IL16: variants seen among roughly 807,000 people sequenced by gnomAD.
IL16 encodes interleukin 16, also known as pro-interleukin-16.
In IL16, 67 loss-of-function variants were observed where a neutral mutation model predicts 110.1. The ratio of observed to expected loss-of-function variants is 0.61; its 90% CI spans 0.50 to 0.75. IL16 has a LOEUF of 0.75. Among genes scored for constraint, IL16 ranks in the 30% least tolerant of loss-of-function variants. The pLI, the probability that IL16 is intolerant of heterozygous loss-of-function variation, is 0.00. For missense variants in IL16, 1,545 were observed against 1,655.0 expected (o/e 0.93, Z 1.15); for synonymous variants, 689 against 662.9 (o/e 1.04, Z -0.61).
At chr15:81,194,985 T>A (rs762072693), upstream of IL16, among the ~76,000 whole-genome samples, 1 of 152,098 alleles carries the variant, frequency 6.6e-6, no homozygotes, top group Admixed American at 6.6e-5. Context: ...TGGCTTGCAG[T>A]GAGCTGGACT....
chr15:81,268,468 G>C (rs1292306497), intron 4 of IL16, among the ~76,000 whole-genome samples: 1 of 152,260 alleles, frequency 6.6e-6, no homozygotes, highest in East Asian at 1.9e-4. Context: ...CAACAGGATG[G>C]ATATGAACAC....
At chr15:81,236,016 G>T (rs1276427518) in intron 2 of IL16, among the ~76,000 whole-genome samples, 1 of 152,176 alleles carries the variant, frequency 6.6e-6, no homozygotes, top group Non-Finnish European at 1.5e-5. Flanking sequence ...AAAAAGATGT[G>T]AAATGCTTTA....
chr15:81,231,545 G>C (rs1007613243), intron 2 of IL16, among the ~76,000 whole-genome samples: 3 of 152,078 alleles, frequency 2.0e-5, no homozygotes, highest in African/African-American at 7.2e-5. Context: ...GCTAATTTTT[G>C]TATTTTTTGT....
intron 8 of IL16, among the ~76,000 whole-genome samples, chr15:81,280,824 G>C (rs1899139567): frequency 6.6e-6 from 1 of 152,188 alleles, no homozygotes; most frequent in Non-Finnish European, 1.5e-5. Flanking sequence ...AGTCTGTGCT[G>C]GCATGGTCCC....
chr15:81,202,293 G>A (rs1424903775), intron 1 of IL16, among the ~76,000 whole-genome samples: 1 of 152,180 alleles, frequency 6.6e-6, no homozygotes, highest in Admixed American at 6.5e-5. Context: ...CATCAGATGA[G>A]TGCTTTGGTA....
At chr15:81,219,229 T>C (rs917955871) in intron 1 of IL16, among the ~76,000 whole-genome samples, 16 of 152,182 alleles carry the variant, frequency 1.1e-4, no homozygotes, top group African/African-American at 3.9e-4. Flanking sequence ...CTTTGTGCAG[T>C]TGACCTCTCA....
rs558274186 is a variant in IL16 at position 81,187,566 on chromosome 15, G to A, written c.40+4670G>A. On this transcript the variant is annotated intron_variant, in intron 1 of 18. Coordinates refer to the IL16 transcript ENST00000302987. ...ACTATGATTGTATCACTGCATTCCC[G>A]CCTGAGTGACAGTAAGACTTTGTTC... Among the ~76,000 whole-genome samples the A allele has an allele frequency of 9.2e-5, 14 of 152,236 alleles. No homozygotes were observed. The Middle Eastern group carries it at 0.01, about 111-fold the overall frequency.
At position 81,306,084 on chromosome 15, in the gene IL16, T is replaced by A. The variant is rs1322963077; in HGVS notation, c.3597T>A (p.Thr1199=). The A allele has an allele frequency of 1.2e-6, 2 of 1,614,152 alleles. No individual in the cohort carries two copies. The highest frequency in any genetic ancestry group is 3.3e-5 in the Admixed American group (2 of 60,018). ...RQAVIVTRKL[T]PEAMPDLNSS... is the part of the protein sequence containing the mutation. ...CTGTGATTGTCACAAGGAAGCTGAC[T>A]CCAGAGGCCATGCCCGACCTCAACT... The change falls in exon 17 of 19, where the codon ACT becomes ACA. Residue 1199 remains threonine (T), a synonymous_variant. Coordinates refer to ENST00000683961, the MANE Select transcript of IL16 (RefSeq NM_172217.5).
chr15:81,301,587 G>A, intron 15 of IL16, 75 bp downstream of exon 15: 1 of 1,371,282 alleles, frequency 7.3e-7, no homozygotes, highest in Non-Finnish European at 1.0e-6. Context: ...TTGGGCCAGA[G>A]GGGAAGTAGC....
chr15:81,264,985 G>C (rs912890138), intron 3 of IL16, among the ~76,000 whole-genome samples: 1 of 152,186 alleles, frequency 6.6e-6, no homozygotes, highest in Non-Finnish European at 1.5e-5. Flanking sequence ...GGGAAGCACT[G>C]TTGTAGACAA....
chr15:81,183,453 T>A (rs1358350589), intron 1 of IL16, among the ~76,000 whole-genome samples: 3 of 152,200 alleles, frequency 2.0e-5, no homozygotes, highest in African/African-American at 7.2e-5. Context: ...GATGAGAGCA[T>A]TTCTTATTAA....
chr15:81,263,761 A>G (rs2142206445), intron 3 of IL16, among the ~76,000 whole-genome samples: 1 of 152,126 alleles, frequency 6.6e-6, no homozygotes, highest in East Asian at 1.9e-4. Context: ...TTCCCTCTGA[A>G]CCCAAAGCAT....
chr15:81,232,244 T>A (rs1487340824), intron 2 of IL16, among the ~76,000 whole-genome samples: 1 of 152,010 alleles, frequency 6.6e-6, no homozygotes, highest in East Asian at 1.9e-4. Context: ...TTTTTGTTGT[T>A]GTTGTTTATT....
At chr15:81,262,744 C>A (rs1032707727) in intron 3 of IL16, among the ~76,000 whole-genome samples, 1 of 152,092 alleles carries the variant, frequency 6.6e-6, no homozygotes, top group Non-Finnish European at 1.5e-5. Context: ...CCAGCCTGAC[C>A]AACATAGAGA....
intron 2 of IL16, among the ~76,000 whole-genome samples, chr15:81,239,836 G>T (rs1897289326): frequency 6.6e-6 from 1 of 152,152 alleles, no homozygotes; most frequent in African/African-American, 2.4e-5. Flanking sequence ...TGGGTTGCAG[G>T]CCTCTCCAGC....
rs1900874200 is a variant in IL16, at chr15:81,311,873, A to G, written c.*3075A>G. ...AATTTGTAGTTGCAATAGAACAGAG[A>G]AAGAGGAAGCTTTCTGTCTCCTTAA... On this transcript the variant is annotated 3_prime_UTR_variant, in exon 19 of 19. Coordinates refer to ENST00000683961, the MANE Select transcript of IL16 (RefSeq NM_172217.5). 6.6e-6 allele frequency: 1 copy of G among 152,192 alleles called. No individual in the cohort carries two copies. The highest frequency in any genetic ancestry group is 1.5e-5 in the Non-Finnish European group (1 of 68,024). 9.4% of individuals were successfully genotyped at this position (152,192 alleles called of 1,614,324 possible).
In IL16 at chr15:81,258,226, G is replaced by A. The variant is rs80040334; in HGVS notation, c.313-1546G>A. Among the ~76,000 whole-genome samples the A allele has an allele frequency of 9.7e-4, 148 of 152,296 alleles. 2 individuals carry two copies. The East Asian group carries it at 0.024, about 25-fold the overall frequency. ...ATACCCATCCCTAAAATCTCAGGAT[G>A]AGGAGAGGGAAGAAAGTAAAAGTTG... is the stretch of plus-strand genomic sequence containing the variant. On this transcript the variant is annotated intron_variant, in intron 2 of 18. Transcript: ENST00000683961.
chr15:81,232,458 A>T (rs1403696613), intron 2 of IL16, among the ~76,000 whole-genome samples: 1 of 152,026 alleles, frequency 6.6e-6, no homozygotes, highest in African/African-American at 2.4e-5. Flanking sequence ...TGTACATATG[A>T]TGTTTGTTGT....
chr15:81,234,225 A>G (rs1897109023), intron 2 of IL16, among the ~76,000 whole-genome samples: 1 of 152,058 alleles, frequency 6.6e-6, no homozygotes, highest in African/African-American at 2.4e-5. Context: ...TGTCTTTAGA[A>G]TTGTAGGTGT....
Sources: allele counts gnomAD v4.1 joint callset (sites outside exome capture counted in the v4.1 genomes callset), GRCh38; gene constraint gnomAD v4.1.1; transcripts MANE v1.5; gene names NCBI Gene and HGNC (gene_info 2026-07-23, HGNC 2026-07-21).